Variants in SLC38A6 observed in about 807,000 individuals in gnomAD.
SLC38A6 encodes the protein N system amino acid transporter NAT-1.
Under a neutral mutation model 65.0 loss-of-function variants are expected in SLC38A6, and 73 were observed. That is an observed-to-expected ratio of 1.12 (90% CI 0.93 to 1.37). The LOEUF is 1.37. Ranked by LOEUF, SLC38A6 falls within the 40% of genes most tolerant of loss-of-function variation. The pLI, the probability that SLC38A6 is intolerant of heterozygous loss-of-function variation, is 0.00. For missense variants in SLC38A6, 561 were observed against 531.1 expected (o/e 1.06, Z -0.55); for synonymous variants, 183 against 178.8 (o/e 1.02, Z -0.19).
At chr14:61,082,185 C>T (rs771469544) in intron 16 of SLC38A6, among the ~76,000 whole-genome samples, 1 of 152,158 alleles carries the variant, frequency 6.6e-6, no homozygotes, top group Non-Finnish European at 1.5e-5. Context: ...CTAAAACATA[C>T]TGAAAAGTTT....
chr14:61,044,109 T>A (rs559651789), intron 10 of SLC38A6, among the ~76,000 whole-genome samples: 1 of 152,268 alleles, frequency 6.6e-6, no homozygotes, highest in East Asian at 1.9e-4. Context: ...ACATGGATGG[T>A]CTCTGCTTTA....
intron 3 of SLC38A6, among the ~76,000 whole-genome samples, chr14:61,014,038 G>C (rs1315461110): frequency 6.6e-6 from 1 of 151,952 alleles, no homozygotes; most frequent in African/African-American, 2.4e-5. Context: ...ACGTAGATTT[G>C]GTCTTTTCAC....
chr14:61,024,578 G>A (rs765687854), intron 5 of SLC38A6, among the ~76,000 whole-genome samples: 8 of 152,216 alleles, frequency 5.3e-5, no homozygotes, highest in Non-Finnish European at 1.2e-4. Context: ...ATTAATAACT[G>A]TAGTAGAAAG....
intron 15 of SLC38A6, among the ~76,000 whole-genome samples, chr14:61,069,741 T>G (rs1036025083): frequency 3.9e-5 from 6 of 152,224 alleles, no homozygotes; most frequent in African/African-American, 1.4e-4. Flanking sequence ...TAAACTACTT[T>G]TGTAATTTTG....
At chr14:61,009,844 G>A (rs571987987) in intron 3 of SLC38A6, among the ~76,000 whole-genome samples, 7 of 152,288 alleles carry the variant, frequency 4.6e-5, no homozygotes, top group African/African-American at 1.4e-4. Flanking sequence ...GTAAACATAC[G>A]TGTGCCTTTG....
chr14:61,064,252 A>G (rs527429951), intron 15 of SLC38A6, among the ~76,000 whole-genome samples: 1 of 152,258 alleles, frequency 6.6e-6, no homozygotes, highest in Non-Finnish European at 1.5e-5. Context: ...CCGATATCCT[A>G]CTACTCGTAC....
rs985095242 is a variant in SLC38A6, at chr14:61,020,138, A to G, written c.403+558A>G. 3.3e-5 allele frequency among the ~76,000 whole-genome samples: 5 copies of G among 152,186 alleles called. No homozygotes were observed. The East Asian group carries it at 5.8e-4, about 18-fold the overall frequency. ...AGAAATGATCTCAATATTGAGAACTATGTAGAAATAAAACTACTGTTAATT... is the reference window on the plus strand; with the variant it reads ...AGAAATGATCTCAATATTGAGAACTGTGTAGAAATAAAACTACTGTTAATT... On this transcript the variant is annotated intron_variant, in intron 5 of 15. Transcript: ENST00000267488.
chr14:61,018,515 A>G (rs2040156714), intron 4 of SLC38A6, among the ~76,000 whole-genome samples: 1 of 152,186 alleles, frequency 6.6e-6, no homozygotes, highest in African/African-American at 2.4e-5. Context: ...CCTAACAAAG[A>G]TGGGCATGAA....
At chr14:61,067,372 A>G (rs2043057096) in intron 15 of SLC38A6, among the ~76,000 whole-genome samples, 1 of 152,068 alleles carries the variant, frequency 6.6e-6, no homozygotes, top group African/African-American at 2.4e-5. Flanking sequence ...ATAACTTCCA[A>G]CCATGTTGTC....
At chr14:61,040,614 C>A (rs2041738646) in intron 8 of SLC38A6, among the ~76,000 whole-genome samples, 1 of 152,012 alleles carries the variant, frequency 6.6e-6, no homozygotes, top group African/African-American at 2.4e-5. Flanking sequence ...GCTGGGATTA[C>A]AGGTGTGAGC....
chr14:60,982,385 T>C, intron 1 of SLC38A6, 123 bp from the exon 2 acceptor site: 1 of 1,214,624 alleles, frequency 8.2e-7, no homozygotes, highest in Non-Finnish European at 1.2e-6. Flanking sequence ...AAGCAACGAG[T>C]GTGTCATACA....
At chr14:61,050,743 C>T (rs1459643447) in intron 13 of SLC38A6, 107 bp downstream of exon 13, 2 of 1,032,486 alleles carry the variant, frequency 1.9e-6, no homozygotes, top group African/African-American at 1.6e-5. Flanking sequence ...TCTTGTATAT[C>T]TTATTCACTT....
At chr14:61,074,160 G>T (rs1236129347) in intron 15 of SLC38A6, among the ~76,000 whole-genome samples, 2 of 151,982 alleles carry the variant, frequency 1.3e-5, no homozygotes, top group Non-Finnish European at 2.9e-5. Flanking sequence ...GTGGTGGGTG[G>T]GCACCTCTGA....
intron 3 of SLC38A6, 78 bp downstream of exon 3, chr14:60,984,881 C>T: frequency 7.7e-7 from 1 of 1,291,220 alleles, no homozygotes; most frequent in Non-Finnish European, 1.1e-6. Flanking sequence ...CTGGATGTCT[C>T]AAATCTAATA....
At chr14:61,002,887 A>G (rs1210342416) in intron 3 of SLC38A6, among the ~76,000 whole-genome samples, 1 of 152,116 alleles carries the variant, frequency 6.6e-6, no homozygotes, top group African/African-American at 2.4e-5. Flanking sequence ...AAAAGACTCA[A>G]TTAATTTTGT....
chr14:61,005,807 T>C (rs1178983064), intron 3 of SLC38A6, among the ~76,000 whole-genome samples: 3 of 152,200 alleles, frequency 2.0e-5, no homozygotes, highest in African/African-American at 7.2e-5. Context: ...ACCAATGACT[T>C]TCTTCACAGA....
chr14:61,082,003 C>T (rs1360271170), intron 16 of SLC38A6, among the ~76,000 whole-genome samples: 1 of 152,124 alleles, frequency 6.6e-6, no homozygotes, highest in Non-Finnish European at 1.5e-5. Context: ...GAGTGCACAG[C>T]AGTGCTGTAG....
chr14:61,064,467 T>G (rs2042960226), intron 15 of SLC38A6, among the ~76,000 whole-genome samples: 1 of 151,564 alleles, frequency 6.6e-6, no homozygotes, highest in Admixed American at 6.6e-5. Context: ...TCATGGGAGG[T>G]TTGGCAAAGG....
At chr14:61,039,850 TC>T (rs1415825150) in intron 8 of SLC38A6, among the ~76,000 whole-genome samples, 1 of 152,066 alleles carries the variant, frequency 6.6e-6, no homozygotes, top group Non-Finnish European at 1.5e-5. Flanking sequence ...AAAAATCAGT[TC>T]AGGAACTATT....
Sources: gnomAD v4.1 joint callset for allele counts (sites outside exome capture counted in the v4.1 genomes callset) on GRCh38, gnomAD v4.1.1 for gene constraint, MANE v1.5 for transcripts, NCBI Gene and HGNC (gene_info 2026-07-23, HGNC 2026-07-21) for gene names.